Variants in MOV10 observed in about 807,000 individuals in gnomAD.
The protein encoded by MOV10 is RNA helicase MOV-10.
A neutral mutation model predicts 108.4 loss-of-function variants in MOV10; 39 were observed. The observed-to-expected ratio is 0.36, with a 90% CI of 0.28 to 0.47. MOV10 has a LOEUF of 0.47. Ranked by LOEUF, MOV10 falls within the 20% of genes least tolerant of loss-of-function variation. MOV10 has a pLI of 1.00. For synonymous variants in MOV10, 490 were observed against 523.1 expected (o/e 0.94, Z 0.86); for missense variants, 952 against 1,297.6 (o/e 0.73, Z 4.09).
At chr1:112,695,865 T>C (rs11102521) in intron 11 of MOV10, among the ~76,000 whole-genome samples, 4,737 of 151,894 alleles carry the variant, frequency 0.031, 268 homozygotes, top group African/African-American at 0.11. Context: ...CATGGCAAAA[T>C]CCCGTCTCTA....
At chr1:112,693,219 T>G (rs1427108592) in intron 7 of MOV10, among the ~76,000 whole-genome samples, 1 of 152,234 alleles carries the variant, frequency 6.6e-6, no homozygotes, top group Non-Finnish European at 1.5e-5. Context: ...GGATAATTCT[T>G]AGAGCTCTTT....
intron 2 of MOV10, among the ~76,000 whole-genome samples, chr1:112,681,415 A>T (rs1222098583): frequency 6.6e-6 from 1 of 151,884 alleles, no homozygotes; most frequent in Non-Finnish European, 1.5e-5. Flanking sequence ...AATCACTTGA[A>T]CCCGGGAGGC....
Position 112,689,096 on chromosome 1 carries a change from G to C in MOV10, c.299G>C (p.Ser100Thr). The stretch of plus-strand genomic sequence containing the variant: ...AGAATGAAGCTGGGGTCAGATATCA[G>C]CAAACACCACAAGTCACTGCTAGCC... ...KRRMKLGSDISKHHKSLLAKI... is the reference protein window; with the variant it reads ...KRRMKLGSDITKHHKSLLAKI... The change falls in exon 3 of 21, where the codon AGC becomes ACC. Residue 100 changes from serine (S) to threonine (T), a missense_variant. Ser to Thr is a moderately conservative substitution (Grantham distance 58, BLOSUM62 1). Coordinates refer to ENST00000369645, the MANE Select transcript of MOV10 (RefSeq NM_001321324.2). 6.2e-7 allele frequency: 1 copy of C among 1,611,716 alleles called. No homozygotes were observed. Among genetic ancestry groups the C allele is most frequent in the Non-Finnish European group, 8.5e-7 (1 of 1,179,670 alleles).
Position 112,690,112 on chromosome 1 carries a change from C to G in MOV10, c.836+14C>G, listed in dbSNP as rs201911580. The G allele has an allele frequency of 6.2e-7, 1 of 1,610,578 alleles. No homozygotes were observed. Among genetic ancestry groups the G allele is most frequent in the African/African-American group, 1.3e-5 (1 of 74,986 alleles). On this transcript the variant is annotated intron_variant, in intron 5 of 20. Coordinates refer to ENST00000369645, the MANE Select transcript of MOV10 (RefSeq NM_001321324.2). ...GAGACCTGACCGGTAACTCCTCCCTCCAACTCAGCCCTGGCTGGGCTCGTA... is the reference window on the plus strand; with the variant it reads ...GAGACCTGACCGGTAACTCCTCCCTGCAACTCAGCCCTGGCTGGGCTCGTA...
At position 112,696,521 on chromosome 1, in the gene MOV10, G is replaced by C. The variant is rs1253195047; in HGVS notation, c.1968G>C (p.Leu656=). 15 of 1,613,842 alleles carry C rather than the reference G, an allele frequency of 9.3e-6. No homozygotes were observed. The highest frequency in any genetic ancestry group is 1.3e-5 in the Non-Finnish European group (15 of 1,179,724). Residue 656 remains leucine, a synonymous_variant, in exon 13 of 21, where the codon CTG becomes CTC. Coordinates refer to ENST00000369645, the MANE Select transcript of MOV10 (RefSeq NM_001321324.2). ...EAGHCMEPES[L]VAIAGLMEVK... ...GCCACTGCATGGAGCCTGAGAGTCTGGTAGCTATAGCAGGTGAGGGACTCA... is the reference window on the plus strand; with the variant it reads ...GCCACTGCATGGAGCCTGAGAGTCTCGTAGCTATAGCAGGTGAGGGACTCA...
chr1:112,690,115 A>C lies in MOV10; in HGVS notation c.836+17A>C. ...ACCTGACCGGTAACTCCTCCCTCCA[A>C]CTCAGCCCTGGCTGGGCTCGTATCT... On this transcript the variant is annotated intron_variant, in intron 5 of 20. Coordinates refer to ENST00000369645, the MANE Select transcript of MOV10 (RefSeq NM_001321324.2). The C allele has an allele frequency of 6.2e-7, 1 of 1,610,432 alleles. No homozygotes were observed. Among genetic ancestry groups the C allele is most frequent in the Non-Finnish European group, 8.5e-7 (1 of 1,177,686 alleles).
Position 112,689,046 on chromosome 1 carries a change from C to CG in MOV10, c.250dup (p.Asp84GlyfsTer30). 1 of 1,612,586 alleles carries CG rather than the reference C, an allele frequency of 6.2e-7. No individual in the cohort carries two copies. Among genetic ancestry groups the CG allele is most frequent in the African/African-American group, 1.3e-5 (1 of 74,978 alleles). ...GGTTCTTCAGACTCGACCGCTGGGC[C>CG]GACGTGCGGTTCCCAGAAAAGAGGA... On this transcript the variant is annotated frameshift_variant, in exon 3 of 21. Coordinates refer to ENST00000369645, the MANE Select transcript of MOV10 (RefSeq NM_001321324.2). LOFTEE classifies it high-confidence loss of function.
chr1:112,700,723 T>C lies in MOV10; in HGVS notation c.*216T>C, dbSNP rs1261413661. On this transcript the variant is annotated 3_prime_UTR_variant, in exon 21 of 21. Transcript: ENST00000369645. Reference sequence around the variant, plus strand: ...AAGGAAGAAAACTCTGAAAACAAAATCTTGTTCTATGCAAAAGCCTTGATA... The same window carrying C: ...AAGGAAGAAAACTCTGAAAACAAAACCTTGTTCTATGCAAAAGCCTTGATA... 1 of 1,513,850 alleles carries C rather than the reference T, an allele frequency of 6.6e-7. No homozygotes were observed. The highest frequency in any genetic ancestry group is 2.2e-5 in the Admixed American group (1 of 45,612). 93.8% of individuals were successfully genotyped at this position (1,513,850 alleles called of 1,614,324 possible).
intron 2 of MOV10, among the ~76,000 whole-genome samples, chr1:112,676,148 T>C (rs1672184641): frequency 6.6e-6 from 1 of 152,196 alleles, no homozygotes; most frequent in African/African-American, 2.4e-5. Context: ...GCAAAGATGA[T>C]GAGGCCCTGT....
rs1213596168 is a variant in MOV10, at chr1:112,689,459, A to G, written c.386A>G (p.Gln129Arg). The change falls in exon 4 of 21, where the codon CAG becomes CGG. Residue 129 changes from glutamine (Q) to arginine (R), a missense_variant. Physicochemically the swap from Gln to Arg is conservative, Grantham distance 43. Transcript: ENST00000369645. ...AAACATGGTGTGGATGTGGAAGTCCAGGGGCCCCATGAAGCCCGAGATGGG... is the reference window on the plus strand; with the variant it reads ...AAACATGGTGTGGATGTGGAAGTCCGGGGGCCCCATGAAGCCCGAGATGGG... ...HGKHGVDVEV[Q>R]GPHEARDGQL... is the part of the protein sequence containing the mutation. 9.2e-6 allele frequency: 14 copies of G among 1,522,228 alleles called. No homozygotes were observed. Among genetic ancestry groups the G allele is most frequent in the South Asian group, 5.6e-5 (5 of 89,824 alleles). The allele number at this position is 1,522,228 out of a possible 1,614,324, so 94.3% of individuals were successfully genotyped here. A position where few individuals can be genotyped will look rare whatever the true frequency, so the allele number is the denominator to read the frequency against.
chr1:112,699,689 G>T lies in MOV10; in HGVS notation c.2588G>T (p.Gly863Val). ...CCCTGCCTCTTTCCCCACTAGGTGG[G>T]TTCAGTAGAAGAATTCCAAGGCCAA... ...GLDDIKDLKV[G>V]SVEEFQGQER... Residue 863 changes from glycine to valine, a missense_variant, in exon 18 of 21, where the codon GGT (glycine) becomes GTT (valine). Physicochemically the swap from Gly to Val is moderately radical, Grantham distance 109. Transcript: ENST00000369645. The T allele has an allele frequency of 1.2e-6, 2 of 1,614,170 alleles. No individual in the cohort carries two copies. The highest frequency in any genetic ancestry group is 2.2e-5 in the South Asian group (2 of 91,088).
chr1:112,678,008 T>G (rs1672328878), intron 2 of MOV10, among the ~76,000 whole-genome samples: 1 of 152,124 alleles, frequency 6.6e-6, no homozygotes, highest in Non-Finnish European at 1.5e-5. Context: ...AGCAGATATG[T>G]GTAGACAAAC....
At position 112,684,479 on chromosome 1, in the gene MOV10, G is replaced by A. The variant is rs141451135; in HGVS notation, c.138-4456G>A. On this transcript the variant is annotated intron_variant, in intron 2 of 20. Coordinates refer to ENST00000369645, the MANE Select transcript of MOV10 (RefSeq NM_001321324.2). ...AAATGGGTTTCTCCATGCAGGTCAGGCTGGTCTCAAACTCCCGACCTCAGG... is the reference window on the plus strand; with the variant it reads ...AAATGGGTTTCTCCATGCAGGTCAGACTGGTCTCAAACTCCCGACCTCAGG... Among the ~76,000 whole-genome samples the A allele has an allele frequency of 3.9e-3, 585 of 151,764 alleles. 4 individuals carry two copies. Among genetic ancestry groups the A allele is most frequent in the African/African-American group, 0.013 (546 of 41,332 alleles).
At chr1:112,687,383 G>A (rs1347715822) in intron 2 of MOV10, among the ~76,000 whole-genome samples, 20 of 152,188 alleles carry the variant, frequency 1.3e-4, no homozygotes, top group Admixed American at 1.2e-3. Flanking sequence ...CCTAGTGAGT[G>A]ACCATGATGA....
At chr1:112,686,178 T>G (rs772392232) in intron 2 of MOV10, among the ~76,000 whole-genome samples, 10 of 152,182 alleles carry the variant, frequency 6.6e-5, no homozygotes, top group Non-Finnish European at 1.0e-4. Flanking sequence ...TTCTTAGCGT[T>G]GTGAGGGATA....
At chr1:112,690,820 T>C (rs1673513549) in intron 5 of MOV10, among the ~76,000 whole-genome samples, 1 of 152,248 alleles carries the variant, frequency 6.6e-6, no homozygotes, top group Non-Finnish European at 1.5e-5. Context: ...CAAAAAGCTA[T>C]CACCCTTTTA....
intron 20 of MOV10, 26 bp downstream of exon 20, chr1:112,700,366 G>C: frequency 1.2e-6 from 2 of 1,614,180 alleles, no homozygotes; most frequent in African/African-American, 1.3e-5. Context: ...GGTGGGGACA[G>C]TGCCAGAGGA....
intron 2 of MOV10, 162 bp from the exon 3 acceptor site, chr1:112,688,773 G>A (rs954176350): frequency 3.7e-5 from 54 of 1,455,800 alleles, no homozygotes; most frequent in Non-Finnish European, 4.6e-5. Context: ...ACATTCCTCC[G>A]ATCCCCAGCC....
intron 17 of MOV10, 102 bp downstream of exon 17, chr1:112,698,891 C>A: frequency 1.0e-6 from 1 of 970,786 alleles, no homozygotes; most frequent in Non-Finnish European, 1.7e-6. Context: ...GTCCCCGTCC[C>A]ACCCCTGCTG....
Sources: gnomAD v4.1 joint callset for allele counts (sites outside exome capture counted in the v4.1 genomes callset) on GRCh38, gnomAD v4.1.1 for gene constraint, MANE v1.5 for transcripts, NCBI Gene and HGNC (gene_info 2026-07-23, HGNC 2026-07-21) for gene names.